PRKG1: variants seen among roughly 807,000 people sequenced by gnomAD.
PRKG1 encodes cGMP-dependent protein kinase 1.
Under a neutral mutation model 88.1 loss-of-function variants are expected in PRKG1, and 35 were observed. The observed-to-expected ratio is 0.40, with a 90% CI of 0.30 to 0.53. PRKG1 has a LOEUF of 0.53. Among genes scored for constraint, PRKG1 ranks in the 20% least tolerant of loss-of-function variants. The pLI is 0.59. For synonymous variants in PRKG1, 303 were observed against 292.5 expected (o/e 1.04, Z -0.37); for missense variants, 540 against 839.8 (o/e 0.64, Z 4.41).
At chr10:51,652,258 T>A (rs1043791515) in intron 3 of PRKG1, among the ~76,000 whole-genome samples, 5 of 152,082 alleles carry the variant, frequency 3.3e-5, no homozygotes, top group Non-Finnish European at 1.5e-5. Context: ...AATGGAATGA[T>A]GTTAATATTT....
chr10:51,351,867 T>C (rs1025998786), intron 2 of PRKG1, among the ~76,000 whole-genome samples: 1 of 152,214 alleles, frequency 6.6e-6, no homozygotes, highest in Non-Finnish European at 1.5e-5. Flanking sequence ...AGGGTTTTTA[T>C]GGTTTTAGGT....
intron 1 of PRKG1, among the ~76,000 whole-genome samples, chr10:51,135,965 T>TGGGGGAA (rs1206196803): frequency 2.7e-3 from 29 of 10,876 alleles, no homozygotes; most frequent in African/African-American, 7.7e-3. Context: ...GGGACTGTTG[T>TGGGGGAA]GGGGGAAGGG....
chr10:51,741,684 G>A (rs539616867), intron 3 of PRKG1, among the ~76,000 whole-genome samples: 1 of 152,222 alleles, frequency 6.6e-6, no homozygotes, highest in East Asian at 1.9e-4. Flanking sequence ...GACATTAGGA[G>A]GGGAATATGG....
intron 4 of PRKG1, among the ~76,000 whole-genome samples, chr10:51,861,556 GTAA>G (rs149156151): frequency 0.014 from 2,191 of 151,982 alleles, 50 homozygotes; most frequent in African/African-American, 0.05. Flanking sequence ...TTGTAATTTT[GTAA>G]TAATGACAAC....
At chr10:51,915,077 A>C (rs1055862237) in intron 5 of PRKG1, among the ~76,000 whole-genome samples, 1 of 152,308 alleles carries the variant, frequency 6.6e-6, no homozygotes, top group South Asian at 2.1e-4. Flanking sequence ...CAGGCTGATT[A>C]AATAATTTAG....
At chr10:52,286,897 T>G (rs1842128453) in intron 14 of PRKG1, among the ~76,000 whole-genome samples, 2 of 152,000 alleles carry the variant, frequency 1.3e-5, no homozygotes, top group Non-Finnish European at 2.9e-5. Flanking sequence ...ATCCTGTGTG[T>G]CTACAATCTA....
chr10:51,640,930 C>CT (rs1839783214), intron 3 of PRKG1, among the ~76,000 whole-genome samples: 3 of 151,970 alleles, frequency 2.0e-5, no homozygotes, highest in African/African-American at 7.3e-5. Flanking sequence ...TCACGTTTAC[C>CT]TTTTTTGTTT....
At chr10:51,309,801 T>C (rs2132486679) in intron 2 of PRKG1, among the ~76,000 whole-genome samples, 1 of 152,344 alleles carries the variant, frequency 6.6e-6, no homozygotes, top group South Asian at 2.1e-4. Flanking sequence ...ATTCATATGT[T>C]TATTGCAATA....
rs559705971 is a variant in PRKG1, at chr10:51,128,656, T to C, written c.312-24508T>C. Among the ~76,000 whole-genome samples the C allele has an allele frequency of 2.0e-5, 3 of 152,328 alleles. No individual in the cohort carries two copies. The South Asian group carries it at 6.2e-4, about 32-fold the overall frequency. Reference sequence around the variant, plus strand: ...GAATTGCAAATCAAATGCATCTAGTTTTCCAAAGTCTGATAAAGAGCCTTT... The same window carrying C: ...GAATTGCAAATCAAATGCATCTAGTCTTCCAAAGTCTGATAAAGAGCCTTT... On this transcript the variant is annotated intron_variant, in intron 1 of 17. Coordinates refer to ENST00000373980, the MANE Select transcript of PRKG1 (RefSeq NM_006258.4).
intron 7 of PRKG1, among the ~76,000 whole-genome samples, chr10:52,063,213 C>T (rs966895301): frequency 2.0e-5 from 3 of 152,174 alleles, no homozygotes; most frequent in Non-Finnish European, 2.9e-5. Flanking sequence ...GCAAGGGGCA[C>T]GTGAGCGAGT....
chr10:51,222,694 CA>C (rs1838574115), intron 2 of PRKG1, among the ~76,000 whole-genome samples: 1 of 151,952 alleles, frequency 6.6e-6, no homozygotes, highest in South Asian at 2.1e-4. Flanking sequence ...AATTATAGCA[CA>C]GGGGTAGTTT....
intron 3 of PRKG1, among the ~76,000 whole-genome samples, chr10:51,530,913 C>G (rs1418920496): frequency 1.3e-5 from 2 of 152,070 alleles, no homozygotes; most frequent in African/African-American, 4.8e-5. Flanking sequence ...CTTATGGGCC[C>G]GGGGTTTGGA....
At chr10:51,968,520 T>C (rs1843626624) in intron 5 of PRKG1, among the ~76,000 whole-genome samples, 1 of 151,960 alleles carries the variant, frequency 6.6e-6, no homozygotes, top group South Asian at 2.1e-4. Flanking sequence ...ATGATGGTAT[T>C]AATAATAATA....
At chr10:51,887,567 C>G (rs9888077) in intron 4 of PRKG1, among the ~76,000 whole-genome samples, 36,387 of 152,146 alleles carry the variant, frequency 0.24, 4,913 homozygotes, top group African/African-American at 0.3. Context: ...TCCACAAGCT[C>G]GCCAACACTT....
At chr10:51,079,161 G>C (rs557317304) in intron 1 of PRKG1, among the ~76,000 whole-genome samples, 1 of 152,288 alleles carries the variant, frequency 6.6e-6, no homozygotes, top group South Asian at 2.1e-4. Flanking sequence ...CTATGGGATT[G>C]CCTGTGACAT....
intron 3 of PRKG1, among the ~76,000 whole-genome samples, chr10:51,653,593 G>A (rs1463852684): frequency 6.6e-6 from 1 of 151,536 alleles, no homozygotes; most frequent in Non-Finnish European, 1.5e-5. Context: ...CCTTTGTAGA[G>A]TCTCGCCCTG....
chr10:52,252,157 C>T (rs1189856845), intron 10 of PRKG1: 2 of 153,636 alleles, frequency 1.3e-5, no homozygotes, highest in East Asian at 1.9e-4. Context: ...ATTTCTAGTC[C>T]TAACAGTTTG....
At chr10:51,301,007 T>G (rs1840869221) in intron 2 of PRKG1, among the ~76,000 whole-genome samples, 2 of 151,990 alleles carry the variant, frequency 1.3e-5, no homozygotes. Context: ...AATGTTGACT[T>G]TTTTTTTGAG....
At chr10:51,951,856 G>A (rs1843192983) in intron 5 of PRKG1, among the ~76,000 whole-genome samples, 1 of 152,192 alleles carries the variant, frequency 6.6e-6, no homozygotes, top group Non-Finnish European at 1.5e-5. Flanking sequence ...GCCTGTTTTT[G>A]TATGAGTGGT....
Sources: allele counts gnomAD v4.1 joint callset (sites outside exome capture counted in the v4.1 genomes callset), GRCh38; gene constraint gnomAD v4.1.1; transcripts MANE v1.5; gene names NCBI Gene and HGNC (gene_info 2026-07-23, HGNC 2026-07-21).